UBE2E2: variants seen among roughly 807,000 people sequenced by gnomAD.
UBE2E2 encodes the protein ubiquitin conjugating enzyme E2 E2.
In UBE2E2, 6 loss-of-function variants were observed where a neutral mutation model predicts 24.7. The ratio of observed to expected loss-of-function variants is 0.24; its 90% CI spans 0.13 to 0.48. The LOEUF (loss-of-function observed/expected upper bound fraction) is 0.48, where lower values mean the gene tolerates loss of function less well. Among genes scored for constraint, UBE2E2 ranks in the 20% least tolerant of loss-of-function variants. The pLI, the probability that UBE2E2 is intolerant of heterozygous loss-of-function variation, is 0.99. For missense variants in UBE2E2, 169 were observed against 245.0 expected (o/e 0.69, Z 2.07); for synonymous variants, 104 against 83.6 (o/e 1.24, Z -1.33).
At chr3:23,463,552 A>T (rs1018291062) in intron 3 of UBE2E2, among the ~76,000 whole-genome samples, 2 of 152,064 alleles carry the variant, frequency 1.3e-5, no homozygotes, top group African/African-American at 4.8e-5. Context: ...TTGACTTGAG[A>T]TGACCTGACT....
At chr3:23,283,750 C>T (rs904772038) in intron 3 of UBE2E2, among the ~76,000 whole-genome samples, 1 of 152,132 alleles carries the variant, frequency 6.6e-6, no homozygotes, top group African/African-American at 2.4e-5. Context: ...AAGACCCTGT[C>T]TCAAAACAAA....
intron 3 of UBE2E2, among the ~76,000 whole-genome samples, chr3:23,372,330 T>A (rs1696418262): frequency 6.6e-6 from 1 of 152,178 alleles, no homozygotes; most frequent in Non-Finnish European, 1.5e-5. Context: ...AATGTTACTT[T>A]AAAAATATTC....
intron 3 of UBE2E2, among the ~76,000 whole-genome samples, chr3:23,326,705 G>A (rs1434900849): frequency 2.0e-5 from 3 of 152,136 alleles, no homozygotes; most frequent in Non-Finnish European, 4.4e-5. Context: ...TTAAGTTCTT[G>A]GGTACATGTG....
At chr3:23,217,232 A>G (rs1459345556) in intron 2 of UBE2E2, 30 bp from the exon 3 acceptor site, 4 of 1,586,620 alleles carry the variant, frequency 2.5e-6, no homozygotes, top group Non-Finnish European at 3.5e-6. Context: ...AGATATTTTT[A>G]ACATAATGTT....
At position 23,555,772 on chromosome 3, in the gene UBE2E2, GAC is replaced by G. The variant is rs149306027; in HGVS notation, c.508+23075_508+23076del. On this transcript the variant is annotated intron_variant, in intron 5 of 5. Transcript: ENST00000396703. Reference sequence around the variant, plus strand: ...ACATTATGCTGAGTGAAATAAGCCAGACACAGAAAACTATTGCATCTCATTTA... The same window carrying G: ...ACATTATGCTGAGTGAAATAAGCCAGACAGAAAACTATTGCATCTCATTTA... Among the ~76,000 whole-genome samples, 45 of 152,258 alleles carry G rather than the reference GAC, an allele frequency of 3.0e-4. No homozygotes were observed. The East Asian group carries it at 8.3e-3, about 28-fold the overall frequency.
intron 5 of UBE2E2, among the ~76,000 whole-genome samples, chr3:23,563,497 G>T (rs1333290522): frequency 6.6e-6 from 1 of 152,186 alleles, no homozygotes; most frequent in African/African-American, 2.4e-5. Context: ...CAACTATGTG[G>T]TCAGTTTTGG....
At chr3:23,564,958 T>C (rs116091589) in intron 5 of UBE2E2, among the ~76,000 whole-genome samples, 1 of 152,076 alleles carries the variant, frequency 6.6e-6, no homozygotes, top group Admixed American at 6.6e-5. Context: ...AAGGAAAAGG[T>C]GCAGTTGTGT....
At chr3:23,294,398 C>G (rs931553970) in intron 3 of UBE2E2, among the ~76,000 whole-genome samples, 2 of 151,902 alleles carry the variant, frequency 1.3e-5, no homozygotes, top group Non-Finnish European at 2.9e-5. Flanking sequence ...AGTTTTCTTG[C>G]TGGGAAAACC....
At chr3:23,530,360 T>A (rs1695094151) in intron 4 of UBE2E2, among the ~76,000 whole-genome samples, 1 of 152,230 alleles carries the variant, frequency 6.6e-6, no homozygotes, top group Non-Finnish European at 1.5e-5. Context: ...TGATTATAGC[T>A]ATGTCATTTT....
intron 2 of UBE2E2, among the ~76,000 whole-genome samples, chr3:23,216,134 A>G (rs573414371): frequency 3.3e-5 from 5 of 152,220 alleles, no homozygotes; most frequent in South Asian, 4.2e-4. Context: ...CAGAATTACA[A>G]TGACATTTTT....
chr3:23,373,471 G>A (rs1464334010), intron 3 of UBE2E2, among the ~76,000 whole-genome samples: 3 of 152,094 alleles, frequency 2.0e-5, no homozygotes, highest in African/African-American at 7.2e-5. Flanking sequence ...AGGTGCCAAA[G>A]ACACTCTGCT....
At chr3:23,462,504 C>T (rs1336782438) in intron 3 of UBE2E2, among the ~76,000 whole-genome samples, 4 of 152,056 alleles carry the variant, frequency 2.6e-5, no homozygotes, top group Non-Finnish European at 5.9e-5. Flanking sequence ...TTGCTATTCA[C>T]GACGAACCCT....
chr3:23,222,393 T>A (rs1696673621), intron 3 of UBE2E2, among the ~76,000 whole-genome samples: 1 of 152,158 alleles, frequency 6.6e-6, no homozygotes, highest in Admixed American at 6.5e-5. Context: ...CCCACCCAAA[T>A]CTCATCTTGA....
chr3:23,414,487 C>T (rs1697577093), intron 3 of UBE2E2, among the ~76,000 whole-genome samples: 1 of 152,196 alleles, frequency 6.6e-6, no homozygotes, highest in African/African-American at 2.4e-5. Context: ...GAGTCACCAC[C>T]TACCAGGCCC....
At chr3:23,432,294 G>T (rs1288637620) in intron 3 of UBE2E2, among the ~76,000 whole-genome samples, 1 of 151,964 alleles carries the variant, frequency 6.6e-6, no homozygotes, top group Non-Finnish European at 1.5e-5. Flanking sequence ...GAGCTGAAAG[G>T]TATCATAAGT....
At chr3:23,417,900 C>G (rs1434668899) in intron 3 of UBE2E2, among the ~76,000 whole-genome samples, 1 of 152,080 alleles carries the variant, frequency 6.6e-6, no homozygotes, top group African/African-American at 2.4e-5. Context: ...TGGCGGGTGT[C>G]CCTCCCGTGC....
At chr3:23,211,950 G>A (rs944419433) in intron 2 of UBE2E2, among the ~76,000 whole-genome samples, 1 of 152,132 alleles carries the variant, frequency 6.6e-6, no homozygotes, top group African/African-American at 2.4e-5. Context: ...AACCTTGGAG[G>A]CCTTAATGCT....
At chr3:23,470,879 C>A (rs1202988988) in intron 3 of UBE2E2, among the ~76,000 whole-genome samples, 2 of 152,038 alleles carry the variant, frequency 1.3e-5, no homozygotes, top group East Asian at 3.9e-4. Flanking sequence ...CAAATTGTCT[C>A]TGCAAATCTG....
At chr3:23,515,026 C>A (rs1458515853) in intron 4 of UBE2E2, among the ~76,000 whole-genome samples, 1 of 152,002 alleles carries the variant, frequency 6.6e-6, no homozygotes, top group African/African-American at 2.4e-5. Flanking sequence ...CTGAACCTGG[C>A]ATGATCAATG....
Sources: allele counts gnomAD v4.1 joint callset (sites outside exome capture counted in the v4.1 genomes callset), GRCh38; gene constraint gnomAD v4.1.1; transcripts MANE v1.5; gene names NCBI Gene and HGNC (gene_info 2026-07-23, HGNC 2026-07-21).